The following LAMA2 variants were observed in gnomAD, a reference collection of about 807,000 sequenced individuals.
The protein encoded by LAMA2 is laminin subunit alpha 2.
Under a neutral mutation model 364.8 loss-of-function variants are expected in LAMA2, and 269 were observed. That is an observed-to-expected ratio of 0.74 (90% CI 0.67 to 0.82). LAMA2 has a LOEUF of 0.82. Among genes scored for constraint, LAMA2 ranks in the 40% least tolerant of loss-of-function variants. LAMA2 has a pLI of 0.00. For missense variants in LAMA2, 3,807 were observed against 3,873.2 expected (o/e 0.98, Z 0.45); for synonymous variants, 1,379 against 1,370.6 (o/e 1.01, Z -0.14).
At chr6:129,315,136 C>T (rs1222038949) in intron 24 of LAMA2, among the ~76,000 whole-genome samples, 1 of 152,182 alleles carries the variant, frequency 6.6e-6, no homozygotes, top group African/African-American at 2.4e-5. Context: ...AGAACCAGGA[C>T]TTGTCACACA....
At chr6:129,456,285 T>C (rs1381813074) in intron 47 of LAMA2, 50 bp from the exon 48 acceptor site, 12 of 1,538,834 alleles carry the variant, frequency 7.8e-6, no homozygotes, top group Admixed American at 1.7e-5. Context: ...GTGATGCATA[T>C]TTCATTTTCT....
intron 51 of LAMA2, among the ~76,000 whole-genome samples, chr6:129,465,695 C>T (rs1169041012): frequency 2.0e-5 from 3 of 151,810 alleles, no homozygotes; most frequent in Non-Finnish European, 4.4e-5. Flanking sequence ...ATTTAAATTG[C>T]CAAACATTTG....
intron 5 of LAMA2, among the ~76,000 whole-genome samples, chr6:129,146,400 A>G (rs756230102): frequency 6.6e-6 from 1 of 152,158 alleles, no homozygotes; most frequent in South Asian, 2.1e-4. Context: ...ACTATATTAC[A>G]TAGTAATATA....
intron 29 of LAMA2, among the ~76,000 whole-genome samples, chr6:129,330,900 G>T (rs1395560557): frequency 3.3e-5 from 5 of 150,366 alleles, no homozygotes; most frequent in Non-Finnish European, 7.4e-5. Flanking sequence ...ACGGAGTCTT[G>T]CTCTGTCACC....
intron 10 of LAMA2, among the ~76,000 whole-genome samples, chr6:129,178,971 C>T (rs1780774038): frequency 6.6e-6 from 1 of 152,132 alleles, no homozygotes; most frequent in African/African-American, 2.4e-5. Context: ...CTCCTGTGGA[C>T]ACAGTAAGCA....
chr6:129,196,094 T>G (rs150363807), intron 12 of LAMA2, among the ~76,000 whole-genome samples: 1 of 150,756 alleles, frequency 6.6e-6, no homozygotes, highest in East Asian at 1.9e-4. Context: ...CAAAACCTGC[T>G]TATTTTCTAC....
chr6:129,200,096 G>T (rs66620338), intron 12 of LAMA2, among the ~76,000 whole-genome samples: 1 of 129,942 alleles, frequency 7.7e-6, no homozygotes, highest in Non-Finnish European at 1.6e-5. Context: ...ATATATACAC[G>T]TGTATATGTG....
intron 10 of LAMA2, among the ~76,000 whole-genome samples, chr6:129,187,038 C>T (rs1781267681): frequency 6.6e-6 from 1 of 151,632 alleles, no homozygotes; most frequent in Admixed American, 6.6e-5. Context: ...ATATTGATAA[C>T]AGAGGAAGTT....
intron 1 of LAMA2, among the ~76,000 whole-genome samples, chr6:128,962,156 A>ATATATATATG (rs1781563665): frequency 9.8e-6 from 1 of 102,256 alleles, no homozygotes; most frequent in Non-Finnish European, 2.0e-5. Context: ...ATATATATAT[A>ATATATATATG]TATATATATA....
intron 37 of LAMA2, among the ~76,000 whole-genome samples, chr6:129,396,321 A>G (rs1379852835): frequency 6.6e-6 from 1 of 152,206 alleles, no homozygotes; most frequent in South Asian, 2.1e-4. Flanking sequence ...ACATAATACT[A>G]TGATAATATT....
intron 1 of LAMA2, among the ~76,000 whole-genome samples, chr6:128,995,506 T>C (rs914138069): frequency 2.0e-5 from 3 of 152,210 alleles, no homozygotes; most frequent in Non-Finnish European, 2.9e-5. Flanking sequence ...GTATTTTTAG[T>C]AGAGACAGGG....
In LAMA2 at chr6:129,154,555, G is replaced by T. The variant is rs1480443153; in HGVS notation, c.1078G>T (p.Ala360Ser). ...AEECYYDENV[A>S]RRNLSLNIRG... ...AGAATGCTATTATGATGAAAATGTT[G>T]CCAGAAGAAATCTGAGTTTGAATAT... The change falls in exon 8 of 65, where the codon GCC (alanine) becomes TCC (serine). Residue 360 changes from alanine (A) to serine (S), a missense_variant. Transcript: ENST00000421865. 1 of 1,613,960 alleles carries T rather than the reference G, an allele frequency of 6.2e-7. No homozygotes were observed. Among genetic ancestry groups the T allele is most frequent in the South Asian group, 1.1e-5 (1 of 91,080 alleles).
In LAMA2 at chr6:129,023,803, T is replaced by C. The variant is rs559813357; in HGVS notation, c.113-26115T>C. Among the ~76,000 whole-genome samples, 556 of 152,340 alleles carry C rather than the reference T, an allele frequency of 3.6e-3. 3 individuals are homozygous for C. The highest frequency in any genetic ancestry group is 0.013 in the African/African-American group (520 of 41,572). On this transcript the variant is annotated intron_variant, in intron 1 of 64. Coordinates refer to ENST00000421865, the MANE Select transcript of LAMA2 (RefSeq NM_000426.4). Reference sequence around the variant, plus strand: ...TGATGTCTTTTCCTTTATACAGTTATCATACCATTTATCAATTTGCATTAT... The same window carrying C: ...TGATGTCTTTTCCTTTATACAGTTACCATACCATTTATCAATTTGCATTAT...
chr6:129,250,249 CCTGATGTTACTTA>C, intron 13 of LAMA2, 36 bp downstream of exon 13: 1 of 1,245,946 alleles, frequency 8.0e-7, no homozygotes, highest in Non-Finnish European at 1.2e-6. Context: ...CGTGTTACTT[CCTGATGTTACTTA>C]AGGTTACCAG....
chr6:129,170,799 G>A (rs1202578706), intron 9 of LAMA2, among the ~76,000 whole-genome samples: 1 of 150,482 alleles, frequency 6.6e-6, no homozygotes, highest in Non-Finnish European at 1.5e-5. Context: ...TTATTAATGT[G>A]TGGGAGTCTA....
intron 17 of LAMA2, among the ~76,000 whole-genome samples, chr6:129,273,321 T>TG (rs1271476961): frequency 2.3e-4 from 35 of 152,262 alleles, no homozygotes; most frequent in African/African-American, 7.7e-4. Context: ...ACGACTAACT[T>TG]GCATTTGAGG....
chr6:129,340,564 G>GA (rs1776202313), intron 29 of LAMA2, among the ~76,000 whole-genome samples: 1 of 152,116 alleles, frequency 6.6e-6, no homozygotes, highest in Non-Finnish European at 1.5e-5. Flanking sequence ...AGGTGTAGAA[G>GA]TAGAAGATTT....
intron 49 of LAMA2, among the ~76,000 whole-genome samples, chr6:129,461,586 G>A (rs759657950): frequency 6.6e-6 from 1 of 151,824 alleles, no homozygotes; most frequent in African/African-American, 2.4e-5. Context: ...GCGTTTCTTT[G>A]GTAAACTTCT....
intron 61 of LAMA2, among the ~76,000 whole-genome samples, chr6:129,506,745 A>G (rs1786116055): frequency 6.6e-6 from 1 of 152,082 alleles, no homozygotes; most frequent in African/African-American, 2.4e-5. Context: ...ATCAAAGACA[A>G]TCACCCATTA....
Sources: gnomAD v4.1 joint callset for allele counts (sites outside exome capture counted in the v4.1 genomes callset) on GRCh38, gnomAD v4.1.1 for gene constraint, MANE v1.5 for transcripts, NCBI Gene and HGNC (gene_info 2026-07-23, HGNC 2026-07-21) for gene names.